The following SVEP1 variants were observed in gnomAD, a reference collection of about 807,000 sequenced individuals.
SVEP1 encodes sushi, von Willebrand factor type A, EGF and pentraxin domain containing 1.
In SVEP1, 164 loss-of-function variants were observed where a neutral mutation model predicts 367.3. That is an observed-to-expected ratio of 0.45 (90% CI 0.39 to 0.51). SVEP1 has a LOEUF of 0.51. Ranked by LOEUF, SVEP1 falls within the 20% of genes least tolerant of loss-of-function variation. The pLI, the probability that SVEP1 is intolerant of heterozygous loss-of-function variation, is 0.00. For synonymous variants in SVEP1, 1,666 were observed against 1,611.6 expected (o/e 1.03, Z -0.81); for missense variants, 4,117 against 4,425.3 (o/e 0.93, Z 1.98).
intron 46 of SVEP1, among the ~76,000 whole-genome samples, chr9:110,373,620 G>A (rs1402509224): frequency 1.3e-5 from 2 of 152,106 alleles, no homozygotes; most frequent in Non-Finnish European, 1.5e-5. Context: ...AATATAGCAA[G>A]CCCTATGTTT....
chr9:110,568,876 G>A (rs1342954102), intron 1 of SVEP1, among the ~76,000 whole-genome samples: 2 of 152,160 alleles, frequency 1.3e-5, no homozygotes, highest in African/African-American at 2.4e-5. Context: ...GAGGTGGGAG[G>A]ATCGCTTGAG....
rs982382105 is a variant in SVEP1, at chr9:110,465,250, C to T, written c.3322+615G>A. Among the ~76,000 whole-genome samples the T allele has an allele frequency of 6.6e-5, 10 of 151,624 alleles. No homozygotes were observed. In the East Asian group the frequency reaches 1.2e-3, roughly 18 times the overall value. ...GACATTTGAGAACCAAAATTAGTGGCTCTCAGATTTTCCTAATCACTTCAA... is the reference window on the plus strand; with the variant it reads ...GACATTTGAGAACCAAAATTAGTGGTTCTCAGATTTTCCTAATCACTTCAA... On this transcript the variant is annotated intron_variant, in intron 18 of 47. Transcript: ENST00000374469.
intron 30 of SVEP1, 148 bp downstream of exon 30, chr9:110,434,188 C>A: frequency 1.1e-6 from 1 of 933,900 alleles, no homozygotes; most frequent in Non-Finnish European, 1.6e-6. Context: ...ATGCCCAGCA[C>A]AGTTCATTAA....
chr9:110,407,934 A>G lies in SVEP1; in HGVS notation c.7666T>C (p.Cys2556Arg). 3 of 1,614,002 alleles carry G rather than the reference A, an allele frequency of 1.9e-6. No homozygotes were observed. Among genetic ancestry groups the G allele is most frequent in the Non-Finnish European group, 2.5e-6 (3 of 1,179,904 alleles). The change falls in exon 38 of 48, where the codon TGT (cysteine) becomes CGT (arginine). Residue 2556 changes from cysteine to arginine, a missense_variant. This residue lies in a region of SVEP1 where 1,765 missense variants were observed against 1,781.1 expected (regional missense o/e 0.99). Coordinates refer to ENST00000374469, the MANE Select transcript of SVEP1 (RefSeq NM_153366.4). ...VDAPSCNAIH[C>R]DSPQPIENGF... is the part of the protein sequence containing the mutation. ...TTTTCAATGGGTTGTGGGGAATCAC[A>G]GTGGATGGCATTGCAAGATGGGGCA...
At chr9:110,453,448 A>C (rs984677506) in intron 22 of SVEP1, among the ~76,000 whole-genome samples, 1 of 152,180 alleles carries the variant, frequency 6.6e-6, no homozygotes, top group African/African-American at 2.4e-5. Context: ...TAAGATATAC[A>C]CTTAGAGAAA....
intron 6 of SVEP1, among the ~76,000 whole-genome samples, chr9:110,502,473 G>A (rs543010433): frequency 6.6e-6 from 1 of 151,792 alleles, no homozygotes; most frequent in Admixed American, 6.6e-5. Context: ...TTAAAGCTTT[G>A]CTTCTTAACC....
intron 40 of SVEP1, among the ~76,000 whole-genome samples, chr9:110,390,191 TTA>T (rs1291430232): frequency 2.1e-5 from 2 of 95,658 alleles, no homozygotes; most frequent in African/African-American, 8.7e-5. Flanking sequence ...ATATATACAC[TTA>T]TATAAGTATG....
intron 46 of SVEP1, 42 bp downstream of exon 46, chr9:110,375,326 G>A: frequency 6.6e-7 from 1 of 1,504,360 alleles, no homozygotes; most frequent in East Asian, 2.5e-5. Context: ...GGAGTTTCAT[G>A]GGCCTGAGCC....
chr9:110,549,040 T>C (rs1032529061), intron 2 of SVEP1, among the ~76,000 whole-genome samples: 29 of 152,292 alleles, frequency 1.9e-4, no homozygotes, highest in African/African-American at 6.7e-4. Flanking sequence ...GAACTCATGT[T>C]GCCATGGTTT....
Position 110,408,510 on chromosome 9 carries a change from A to T in SVEP1, c.7090T>A (p.Leu2364Met). 6.2e-7 allele frequency: 1 copy of T among 1,613,982 alleles called. No homozygotes were observed. The highest frequency in any genetic ancestry group is 8.5e-7 in the Non-Finnish European group (1 of 1,179,884). Residue 2364 changes from leucine (L) to methionine (M), a missense_variant, in exon 38 of 48, where the codon TTG (leucine) becomes ATG (methionine). Leu to Met is a conservative substitution (Grantham distance 15). This residue lies in a region of SVEP1 where 1,765 missense variants were observed against 1,781.1 expected (regional missense o/e 0.99). Transcript: ENST00000374469. The stretch of plus-strand genomic sequence containing the variant: ...GAGTCATTCCATTGCTGGGATGGCA[A>T]GCATTTCAGGACAGAGGGGCCTTGC... Reference protein sequence around the residue: ...VLQGPSVLKCLPSQQWNDSFP... With the variant: ...VLQGPSVLKCMPSQQWNDSFP...
intron 3 of SVEP1, among the ~76,000 whole-genome samples, chr9:110,525,538 C>T (rs1829929857): frequency 6.6e-6 from 1 of 151,686 alleles, no homozygotes; most frequent in Non-Finnish European, 1.5e-5. Context: ...GAGGAAAATC[C>T]CAAGAAGATT....
chr9:110,427,900 T>A, intron 35 of SVEP1, 142 bp from the exon 36 acceptor site: 1 of 1,001,614 alleles, frequency 1.0e-6, no homozygotes. Context: ...TTAGATTGCT[T>A]TATATGAAAG....
chr9:110,525,042 C>G (rs1342296638), intron 3 of SVEP1, among the ~76,000 whole-genome samples: 1 of 152,016 alleles, frequency 6.6e-6, no homozygotes, highest in Non-Finnish European at 1.5e-5. Flanking sequence ...AATGTTTTCC[C>G]CTTATGATTG....
Position 110,482,501 on chromosome 9 carries a change from G to C in SVEP1, c.2039-9C>G, listed in dbSNP as rs1401253260. 6.4e-7 allele frequency: 1 copy of C among 1,558,276 alleles called. No homozygotes were observed. Among genetic ancestry groups the C allele is most frequent in the Non-Finnish European group, 8.7e-7 (1 of 1,150,708 alleles). On this transcript the variant is annotated splice_polypyrimidine_tract_variant and intron_variant, in intron 10 of 47. Transcript: ENST00000374469. ...AATGACCAATTCAGCCCCTGGAAAGGAAAGAAGGCAGCCAATTTTTGGGTT... is the reference window on the plus strand; with the variant it reads ...AATGACCAATTCAGCCCCTGGAAAGCAAAGAAGGCAGCCAATTTTTGGGTT...
chr9:110,375,470 A>G lies in SVEP1; in HGVS notation c.10505-7T>C. On this transcript the variant is annotated splice_polypyrimidine_tract_variant and splice_region_variant and intron_variant, in intron 45 of 47. Transcript: ENST00000374469. Reference sequence around the variant, plus strand: ...CAGGGAAGAATGCAGATTGCTAAAAAAAAAAAAAAAAAAAAAAAAAGGAGG... The same window carrying G: ...CAGGGAAGAATGCAGATTGCTAAAAGAAAAAAAAAAAAAAAAAAAAGGAGG... 3.3e-6 allele frequency: 4 copies of G among 1,227,000 alleles called. No individual in the cohort carries two copies. In the East Asian group the frequency reaches 9.5e-5, roughly 29 times the overall value. The allele number at this position is 1,227,000 out of a possible 1,614,324, so 76.0% of individuals were successfully genotyped here.
At chr9:110,558,818 T>A (rs777601671) in intron 1 of SVEP1, among the ~76,000 whole-genome samples, 4 of 152,094 alleles carry the variant, frequency 2.6e-5, no homozygotes, top group Non-Finnish European at 5.9e-5. Flanking sequence ...AAATTTTATA[T>A]AAATACTACC....
chr9:110,563,660 C>T (rs1164374014), intron 1 of SVEP1, among the ~76,000 whole-genome samples: 1 of 152,068 alleles, frequency 6.6e-6, no homozygotes, highest in Non-Finnish European at 1.5e-5. Flanking sequence ...ATATTTTTTT[C>T]TAACCCGAAA....
In SVEP1 at chr9:110,377,349, A is replaced by C. The variant is rs780501694; in HGVS notation, c.10426T>G (p.Cys3476Gly). ...CGTTGGCAGATGCCCCCATTCTGACATGGAAATCGACAGACAGCTGGAAAA... is the reference window on the plus strand; with the variant it reads ...CGTTGGCAGATGCCCCCATTCTGACCTGGAAATCGACAGACAGCTGGAAAA... ...PICRAVCRFP[C>G]QNGGICQRPN... Residue 3476 changes from cysteine (C) to glycine (G), a missense_variant, in exon 45 of 48, where the codon TGT becomes GGT. Physicochemically the swap from Cys to Gly is radical, Grantham distance 159 (BLOSUM62 -3). Coordinates refer to ENST00000374469, the MANE Select transcript of SVEP1 (RefSeq NM_153366.4). 6.2e-7 allele frequency: 1 copy of C among 1,613,842 alleles called. No homozygotes were observed. Among genetic ancestry groups the C allele is most frequent in the Admixed American group, 1.7e-5 (1 of 60,018 alleles).
In SVEP1 at chr9:110,408,330, G is replaced by A. The variant is rs1043627052; in HGVS notation, c.7270C>T (p.Pro2424Ser). Residue 2424 changes from proline to serine, a missense_variant, in exon 38 of 48, where the codon CCT (proline) becomes TCT (serine). Coordinates refer to ENST00000374469, the MANE Select transcript of SVEP1 (RefSeq NM_153366.4). ...LRGNSTTLCQPDGTWSSPLPE... is the reference protein window; with the variant it reads ...LRGNSTTLCQSDGTWSSPLPE... ...AGTGGAGAGCTCCAGGTGCCATCAG[G>A]TTGGCAGAGGGTGGTAGAATTTCCT... 12 of 1,613,800 alleles carry A rather than the reference G, an allele frequency of 7.4e-6. No individual in the cohort carries two copies. Among genetic ancestry groups the A allele is most frequent in the Non-Finnish European group, 1.0e-5 (12 of 1,179,872 alleles).
Sources: allele counts gnomAD v4.1 joint callset (sites outside exome capture counted in the v4.1 genomes callset), GRCh38; gene constraint gnomAD v4.1.1; regional missense constraint gnomAD v4.1.1; transcripts MANE v1.5; gene names NCBI Gene and HGNC (gene_info 2026-07-23, HGNC 2026-07-21).